Variants in SGMS1 observed in about 807,000 individuals in gnomAD.
SGMS1 encodes sphingomyelin synthase 1, also known as phosphatidylcholine:ceramide cholinephosphotransferase 1.
In SGMS1, 13 loss-of-function variants were observed where a neutral mutation model predicts 46.2. The observed-to-expected ratio is 0.28, with a 90% CI of 0.18 to 0.45. The LOEUF (loss-of-function observed/expected upper bound fraction) is 0.45, where lower values mean the gene tolerates loss of function less well. Ranked by LOEUF, SGMS1 falls within the 20% of genes least tolerant of loss-of-function variation. The probability of loss-of-function intolerance (pLI) is 1.00; values close to 1 mark genes in which losing one functional copy is unlikely to be tolerated. For synonymous variants in SGMS1, 203 were observed against 187.8 expected, an observed-to-expected ratio of 1.08 and a Z score of -0.66; for missense variants, 324 against 519.9, an observed-to-expected ratio of 0.62 and a Z score of 3.66.
At chr10:50,327,000 C>T (rs2339415) in intron 8 of SGMS1, among the ~76,000 whole-genome samples, 2 of 151,990 alleles carry the variant, frequency 1.3e-5, no homozygotes, top group South Asian at 2.1e-4. Flanking sequence ...TTCCAACACA[C>T]ATTTCCCCAG....
At chr10:50,454,484 A>G (rs540531270) in intron 5 of SGMS1, among the ~76,000 whole-genome samples, 2 of 152,244 alleles carry the variant, frequency 1.3e-5, no homozygotes, top group African/African-American at 2.4e-5. Flanking sequence ...TATAAAGGGG[A>G]AAAAATGGGG....
intron 2 of SGMS1, among the ~76,000 whole-genome samples, chr10:50,557,915 A>C (rs1838201902): frequency 6.6e-6 from 1 of 152,226 alleles, no homozygotes; most frequent in African/African-American, 2.4e-5. Context: ...TAGGAGGAGA[A>C]GGAAAAACTC....
At chr10:50,471,168 G>A (rs758512903) in intron 3 of SGMS1, among the ~76,000 whole-genome samples, 15 of 152,190 alleles carry the variant, frequency 9.9e-5, no homozygotes, top group Non-Finnish European at 1.6e-4. Flanking sequence ...CCAGTTTTAA[G>A]CATGACCTCA....
chr10:50,381,870 G>A (rs1373415173), intron 6 of SGMS1, among the ~76,000 whole-genome samples: 3 of 152,066 alleles, frequency 2.0e-5, no homozygotes, highest in Non-Finnish European at 2.9e-5. Context: ...AAAATAGGGC[G>A]GTCCAAGAAA....
At chr10:50,341,380 A>T in intron 7 of SGMS1, 1 of 456,042 alleles carries the variant, frequency 2.2e-6, no homozygotes. Context: ...GTAGAAGGAC[A>T]GGGTGGACGA....
chr10:50,538,215 T>C (rs1037233344), intron 2 of SGMS1, among the ~76,000 whole-genome samples: 7 of 151,740 alleles, frequency 4.6e-5, no homozygotes, highest in Non-Finnish European at 7.4e-5. Flanking sequence ...CCCAGCACTT[T>C]GGGAGGCCGA....
chr10:50,551,389 A>G (rs2133832611), intron 2 of SGMS1, among the ~76,000 whole-genome samples: 1 of 150,924 alleles, frequency 6.6e-6, no homozygotes, highest in Non-Finnish European at 1.5e-5. Context: ...AAAAACCAGC[A>G]AGGCCTGAGA....
At chr10:50,336,103 T>A (rs1847712377) in intron 7 of SGMS1, 1 of 152,014 alleles carries the variant, frequency 6.6e-6, no homozygotes, top group African/African-American at 2.4e-5. Context: ...CTTTAGAGTG[T>A]CCTTCCCCAC....
At chr10:50,482,351 A>G (rs942900252) in intron 3 of SGMS1, among the ~76,000 whole-genome samples, 1 of 152,226 alleles carries the variant, frequency 6.6e-6, no homozygotes, top group Non-Finnish European at 1.5e-5. Context: ...GCCAGAAGAG[A>G]TTGGGGGCCA....
chr10:50,401,709 T>C (rs971982190), intron 6 of SGMS1, among the ~76,000 whole-genome samples: 2 of 152,356 alleles, frequency 1.3e-5, no homozygotes, highest in Middle Eastern at 6.8e-3. Context: ...ATTAGGCTTC[T>C]ATTTTTCATT....
At chr10:50,500,763 C>T (rs531247334) in intron 3 of SGMS1, among the ~76,000 whole-genome samples, 2 of 152,146 alleles carry the variant, frequency 1.3e-5, no homozygotes, top group African/African-American at 4.8e-5. Flanking sequence ...TCCATACTAA[C>T]TTTTTTCTTC....
chr10:50,355,926 A>G (rs1450828519), intron 6 of SGMS1, among the ~76,000 whole-genome samples: 2 of 149,438 alleles, frequency 1.3e-5, no homozygotes, highest in Non-Finnish European at 3.0e-5. Flanking sequence ...CCCCGCCGCC[A>G]CCCTGTCTGG....
intron 2 of SGMS1, among the ~76,000 whole-genome samples, chr10:50,531,710 G>T (rs1837954967): frequency 6.6e-6 from 1 of 152,168 alleles, no homozygotes; most frequent in Non-Finnish European, 1.5e-5. Context: ...GCTGCGGCAA[G>T]TTGCCCACCT....
intron 3 of SGMS1, among the ~76,000 whole-genome samples, chr10:50,518,231 T>A (rs1837826200): frequency 1.3e-5 from 2 of 152,196 alleles, no homozygotes; most frequent in Admixed American, 1.3e-4. Context: ...TTAGAATACC[T>A]TAAATACTGA....
intron 5 of SGMS1, among the ~76,000 whole-genome samples, chr10:50,443,684 A>T (rs1849573257): frequency 6.6e-6 from 1 of 152,138 alleles, no homozygotes; most frequent in Non-Finnish European, 1.5e-5. Context: ...TATAGATGTA[A>T]ACCCATAGAA....
intron 2 of SGMS1, among the ~76,000 whole-genome samples, chr10:50,563,000 T>C (rs1838255118): frequency 6.6e-6 from 1 of 152,352 alleles, no homozygotes; most frequent in South Asian, 2.1e-4. Context: ...TAGCTCTTCC[T>C]GTAAAAAGAA....
intron 1 of SGMS1, among the ~76,000 whole-genome samples, chr10:50,612,799 C>T (rs551615830): frequency 1.9e-4 from 29 of 152,266 alleles, no homozygotes; most frequent in African/African-American, 6.5e-4. Context: ...GCCTCTGCTT[C>T]GTGGATTCAA....
chr10:50,387,369 T>C (rs796840650), intron 6 of SGMS1, among the ~76,000 whole-genome samples: 1 of 152,200 alleles, frequency 6.6e-6, no homozygotes, highest in Non-Finnish European at 1.5e-5. Context: ...ACTTCCACCA[T>C]GGAGGGAGCT....
At chr10:50,315,911 C>G (rs576158901) in intron 8 of SGMS1, among the ~76,000 whole-genome samples, 14 of 152,250 alleles carry the variant, frequency 9.2e-5, no homozygotes, top group African/African-American at 3.4e-4. Context: ...GGCCAAATCA[C>G]TTACACAATA....
Sources: gnomAD v4.1 joint callset for allele counts (sites outside exome capture counted in the v4.1 genomes callset) on GRCh38, gnomAD v4.1.1 for gene constraint, MANE v1.5 for transcripts, NCBI Gene and HGNC (gene_info 2026-07-23, HGNC 2026-07-21) for gene names.